The following SMOC2 variants were observed in gnomAD, a reference collection of about 807,000 sequenced individuals.
The protein encoded by SMOC2 is SPARC-related modular calcium-binding protein 2.
In SMOC2, 39 loss-of-function variants were observed where a neutral mutation model predicts 61.4. The ratio of observed to expected loss-of-function variants is 0.64; its 90% CI spans 0.49 to 0.83. The LOEUF (loss-of-function observed/expected upper bound fraction) is 0.83. SMOC2 is among the 40% of genes least tolerant of loss of function. SMOC2 has a pLI of 0.00. For synonymous variants in SMOC2, 247 were observed against 239.9 expected (o/e 1.03, Z -0.27); for missense variants, 556 against 592.9 (o/e 0.94, Z 0.65).
At chr6:168,559,169 T>C (rs1007776348) in intron 7 of SMOC2, among the ~76,000 whole-genome samples, 8 of 152,174 alleles carry the variant, frequency 5.3e-5, no homozygotes, top group African/African-American at 1.7e-4. Flanking sequence ...AGAATAGTAA[T>C]TTAGGGCCAG....
chr6:168,602,576 T>G (rs1785578840), intron 8 of SMOC2, among the ~76,000 whole-genome samples: 2 of 152,120 alleles, frequency 1.3e-5, no homozygotes, highest in South Asian at 4.1e-4. Flanking sequence ...CCTGTTGTGG[T>G]TCCTTTTTCA....
At position 168,639,783 on chromosome 6, in the gene SMOC2, T is replaced by C. The variant is rs1583179979; in HGVS notation, c.908-10898T>C. Among the ~76,000 whole-genome samples the C allele has an allele frequency of 5.3e-5, 8 of 152,338 alleles. No individual in the cohort carries two copies. In the South Asian group the frequency reaches 1.7e-3, roughly 32 times the overall value. ...AGCGTTTCTCAGACTCGCTGCTACTTGCATCCCTCATTTCAGAACAAACTC... is the reference window on the plus strand; with the variant it reads ...AGCGTTTCTCAGACTCGCTGCTACTCGCATCCCTCATTTCAGAACAAACTC... On this transcript the variant is annotated intron_variant, in intron 9 of 12. Transcript: ENST00000356284.
intron 9 of SMOC2, among the ~76,000 whole-genome samples, chr6:168,626,247 C>T (rs1786405920): frequency 6.6e-6 from 1 of 152,198 alleles, no homozygotes; most frequent in Non-Finnish European, 1.5e-5. Flanking sequence ...GTCCGCGCCC[C>T]CGTTTCTGCT....
rs1233372301 is a variant in SMOC2 at position 168,452,322 on chromosome 6, A to AT, written c.84+10869dup. On this transcript the variant is annotated intron_variant, in intron 1 of 12. Transcript: ENST00000356284. The surrounding 1 kb of genome is among the most constrained non-coding windows in gnomAD (Gnocchi z 5.0). ...TACCCACATATCAGATAAGAGTATC[A>AT]TGTTATTGAAGCAGAATTTTGGTTT... is the stretch of plus-strand genomic sequence containing the variant. Among the ~76,000 whole-genome samples the AT allele has an allele frequency of 6.6e-6, 1 of 152,204 alleles. No individual in the cohort carries two copies. The highest frequency in any genetic ancestry group is 1.9e-4 in the East Asian group (1 of 5,196).
intron 9 of SMOC2, among the ~76,000 whole-genome samples, chr6:168,630,101 C>A (rs1023904465): frequency 6.6e-6 from 1 of 152,116 alleles, no homozygotes; most frequent in African/African-American, 2.4e-5. Context: ...TCTCGTTCAT[C>A]TCCAACTCAG....
intron 4 of SMOC2, among the ~76,000 whole-genome samples, chr6:168,537,479 C>G (rs1192647229): frequency 6.6e-6 from 1 of 152,230 alleles, no homozygotes; most frequent in Non-Finnish European, 1.5e-5. Context: ...CAGTGTCTGT[C>G]CTAATACAGC....
chr6:168,607,798 C>T (rs544762980), intron 8 of SMOC2, among the ~76,000 whole-genome samples: 5 of 151,172 alleles, frequency 3.3e-5, no homozygotes, highest in Non-Finnish European at 5.9e-5. Context: ...AACCCTGCAA[C>T]GGGAGGAGGG....
At chr6:168,546,494 G>T (rs559838928) in intron 5 of SMOC2, among the ~76,000 whole-genome samples, 2 of 152,222 alleles carry the variant, frequency 1.3e-5, no homozygotes, top group Non-Finnish European at 2.9e-5. Context: ...TGGTGTAGGG[G>T]CCTGTGACAC....
chr6:168,505,870 C>T lies in SMOC2; in HGVS notation c.85-4045C>T, dbSNP rs376022764. 7.7e-4 allele frequency among the ~76,000 whole-genome samples: 117 copies of T among 152,320 alleles called. 1 individual carries two copies. Among genetic ancestry groups the T allele is most frequent in the East Asian group, 5.4e-3 (28 of 5,188 alleles). On this transcript the variant is annotated intron_variant, in intron 1 of 12. Coordinates refer to ENST00000356284, the MANE Select transcript of SMOC2 (RefSeq NM_001166412.2). ...CTTTCAGAATTGTGCAGGCTCTTCACGCACTGGGCCTCATTGCCAGTGCTG... is the reference window on the plus strand; with the variant it reads ...CTTTCAGAATTGTGCAGGCTCTTCATGCACTGGGCCTCATTGCCAGTGCTG...
At chr6:168,635,452 C>T (rs975543012) in intron 9 of SMOC2, among the ~76,000 whole-genome samples, 6 of 152,196 alleles carry the variant, frequency 3.9e-5, no homozygotes, top group Admixed American at 1.3e-4. Flanking sequence ...TCCCTGCCAG[C>T]ATTTTTATTT....
intron 11 of SMOC2, among the ~76,000 whole-genome samples, chr6:168,658,594 C>A (rs992110341): frequency 6.6e-6 from 1 of 152,116 alleles, no homozygotes; most frequent in Non-Finnish European, 1.5e-5. Context: ...AGATTCCTGT[C>A]TACTAATTTC....
chr6:168,485,751 G>A (rs1030991224), intron 1 of SMOC2, among the ~76,000 whole-genome samples: 42 of 152,218 alleles, frequency 2.8e-4, no homozygotes, highest in Admixed American at 1.8e-3. Flanking sequence ...TATCGATTGT[G>A]TTAATAGTGT....
At chr6:168,554,837 T>C (rs1156329585) in intron 7 of SMOC2, among the ~76,000 whole-genome samples, 1 of 152,198 alleles carries the variant, frequency 6.6e-6, no homozygotes, top group Non-Finnish European at 1.5e-5. Context: ...ATTCTGTGTT[T>C]TGGGGACCTC....
chr6:168,571,805 C>T (rs1215290004), intron 7 of SMOC2, among the ~76,000 whole-genome samples: 4 of 143,448 alleles, frequency 2.8e-5, no homozygotes, highest in South Asian at 2.1e-4. Flanking sequence ...TTCACTTTCT[C>T]CCCGCATCCC....
chr6:168,518,389 G>A (rs966065509), intron 2 of SMOC2, among the ~76,000 whole-genome samples: 1 of 146,940 alleles, frequency 6.8e-6, no homozygotes, highest in African/African-American at 2.5e-5. Context: ...GTGTGCATGT[G>A]TGATTGTGTA....
Position 168,600,432 on chromosome 6 carries a change from AACAAAAAAAAAAAC to A in SMOC2, c.824+1430_824+1443del, listed in dbSNP as rs1785518730. On this transcript the variant is annotated intron_variant, in intron 8 of 12. Transcript: ENST00000356284. ...CAAAAAAAAAAAAAACAAAAAAAAAAACAAAAAAAAAAACAGTAGTTTCAACTGTTGGAAACTGG... is the reference window on the plus strand; with the variant it reads ...CAAAAAAAAAAAAAACAAAAAAAAAAAGTAGTTTCAACTGTTGGAAACTGG... Among the ~76,000 whole-genome samples, 5 of 50,546 alleles carry A rather than the reference AACAAAAAAAAAAAC, an allele frequency of 9.9e-5. 1 individual carries two copies. Among genetic ancestry groups the A allele is most frequent in the African/African-American group, 3.9e-4 (5 of 12,670 alleles). The allele number at this position is 50,546 out of a possible 152,430, so 33.2% of individuals were successfully genotyped here.
intron 1 of SMOC2, among the ~76,000 whole-genome samples, chr6:168,445,887 A>G (rs1781321858): frequency 6.6e-6 from 1 of 152,246 alleles, no homozygotes; most frequent in Non-Finnish European, 1.5e-5. Context: ...AAGACCATGC[A>G]GCCAATGGGC....
intron 7 of SMOC2, among the ~76,000 whole-genome samples, chr6:168,551,102 A>T (rs1488123392): frequency 6.6e-6 from 1 of 152,142 alleles, no homozygotes; most frequent in African/African-American, 2.4e-5. Flanking sequence ...GTGAGTTCTC[A>T]CGAGATCTGG....
At chr6:168,663,101 TAGAG>T (rs1265812630) in intron 11 of SMOC2, among the ~76,000 whole-genome samples, 1 of 120,488 alleles carries the variant, frequency 8.3e-6, no homozygotes, top group Non-Finnish European at 1.7e-5. Flanking sequence ...TGTCAGGAAA[TAGAG>T]AGTATTTAAA....
Sources: allele counts gnomAD v4.1 joint callset (sites outside exome capture counted in the v4.1 genomes callset), GRCh38; gene constraint gnomAD v4.1.1; non-coding constraint Gnocchi (gnomAD v3.1); transcripts MANE v1.5; gene names NCBI Gene and HGNC (gene_info 2026-07-23, HGNC 2026-07-21).